MAST4: variants seen among roughly 807,000 people sequenced by gnomAD.
The protein encoded by MAST4 is microtubule-associated serine/threonine-protein kinase 4.
MAST4 carries 89 observed loss-of-function variants against 162.7 expected under a neutral mutation model. The observed-to-expected ratio is 0.55, with a 90% CI of 0.46 to 0.65. The LOEUF (loss-of-function observed/expected upper bound fraction) is 0.65. MAST4 is among the 30% of genes least tolerant of loss of function. The probability of loss-of-function intolerance (pLI) is 0.00; values close to 1 mark genes in which losing one functional copy is unlikely to be tolerated. For missense variants in MAST4, 3,153 were observed against 3,374.0 expected (o/e 0.93, Z 1.62); for synonymous variants, 1,479 against 1,361.1 (o/e 1.09, Z -1.91).
At chr5:66,735,690 G>A (rs1752114477) in intron 1 of MAST4, among the ~76,000 whole-genome samples, 1 of 152,186 alleles carries the variant, frequency 6.6e-6, no homozygotes, top group Non-Finnish European at 1.5e-5. Flanking sequence ...TTGGAGAGAA[G>A]TATAGGATTT....
chr5:66,936,374 T>G (rs1742749566), intron 4 of MAST4, among the ~76,000 whole-genome samples: 1 of 152,232 alleles, frequency 6.6e-6, no homozygotes. Flanking sequence ...TGTACGTCCC[T>G]GTGAAGAGAC....
At chr5:66,659,199 G>T (rs1746745454) in intron 1 of MAST4, among the ~76,000 whole-genome samples, 1 of 152,140 alleles carries the variant, frequency 6.6e-6, no homozygotes. Context: ...ACAGCCTGAA[G>T]CCTGGAGACT....
At chr5:66,603,546 A>G (rs896181005) in intron 1 of MAST4, among the ~76,000 whole-genome samples, 3 of 152,224 alleles carry the variant, frequency 2.0e-5, no homozygotes, top group Admixed American at 2.0e-4. Context: ...AGCATGAAAG[A>G]TGGTGCAAGG....
intron 4 of MAST4, among the ~76,000 whole-genome samples, chr5:67,017,305 C>T (rs188530197): frequency 2.0e-5 from 3 of 152,250 alleles, no homozygotes; most frequent in African/African-American, 7.2e-5. Context: ...CTGCCCCTAC[C>T]TAAGGACGGA....
intron 4 of MAST4, among the ~76,000 whole-genome samples, chr5:66,988,868 T>C (rs904554640): frequency 5.3e-5 from 8 of 152,222 alleles, no homozygotes; most frequent in African/African-American, 1.9e-4. Flanking sequence ...AACACATACA[T>C]GGTTCACATT....
chr5:66,916,931 A>G, intron 4 of MAST4: 1 of 715,848 alleles, frequency 1.4e-6, no homozygotes, highest in Non-Finnish European at 2.6e-6. Context: ...GTGCTGCAAT[A>G]AACAATTTTT....
intron 4 of MAST4, among the ~76,000 whole-genome samples, chr5:66,935,493 T>C (rs1414980164): frequency 6.6e-6 from 1 of 152,024 alleles, no homozygotes; most frequent in African/African-American, 2.4e-5. Context: ...TCAGCTGTCG[T>C]TCTAGTGTGT....
At chr5:67,076,090 T>C (rs1761612633) in intron 5 of MAST4, among the ~76,000 whole-genome samples, 1 of 152,070 alleles carries the variant, frequency 6.6e-6, no homozygotes, top group Non-Finnish European at 1.5e-5. Flanking sequence ...ATGACCTCTT[T>C]CTGGGAAAGA....
rs569293001 is a variant in MAST4, at chr5:67,076,099, GA to G, written c.764-14053del. Among the ~76,000 whole-genome samples the G allele has an allele frequency of 3.0e-3, 449 of 149,182 alleles. 1 individual carries two copies. Among genetic ancestry groups the G allele is most frequent in the African/African-American group, 3.3e-3 (136 of 40,774 alleles). On this transcript the variant is annotated intron_variant, in intron 5 of 28. Coordinates refer to ENST00000403625, the MANE Select transcript of MAST4 (RefSeq NM_001164664.2). ...AATCCAATGACCTCTTTCTGGGAAA[GA>G]AAAAAAAAATTGAGCATGAGCACCC... is the stretch of plus-strand genomic sequence containing the variant.
Position 67,152,778 on chromosome 5 carries a change from G to C in MAST4, c.3437G>C (p.Ser1146Thr), listed in dbSNP as rs1474761503. ...CCACATCAGCCGATTGTGATCCACA[G>C]TTCGGGGAAGAACTACGGCTTTACC... is the stretch of plus-strand genomic sequence containing the variant. ...ASPHQPIVIH[S>T]SGKNYGFTIR... The change falls in exon 25 of 29, where the codon AGT becomes ACT. Residue 1146 changes from serine to threonine, a missense_variant. By Grantham distance (58) the Ser-to-Thr change is moderately conservative. Coordinates refer to ENST00000403625, the MANE Select transcript of MAST4 (RefSeq NM_001164664.2). 6.2e-7 allele frequency: 1 copy of C among 1,613,970 alleles called. No individual in the cohort carries two copies. Among genetic ancestry groups the C allele is most frequent in the African/African-American group, 1.3e-5 (1 of 74,952 alleles).
In MAST4 at chr5:67,167,001, AG is replaced by A. The variant is rs770012934; in HGVS notation, c.7824del (p.Arg2608SerfsTer77). Reference sequence around the variant, plus strand: ...TGAGAAGGACTTTGTGGTACGGCAGAGGCGGGGGAAAGAGAGTTTGCGTAGC... The same window carrying A: ...TGAGAAGGACTTTGTGGTACGGCAGAGCGGGGGAAAGAGAGTTTGCGTAGC... ...SNEKDFVVRQ[R>X]RGKESLRSSP... On this transcript the variant is annotated frameshift_variant, in exon 29 of 29. Transcript: ENST00000403625. LOFTEE classifies it high-confidence loss of function. 1 of 1,608,708 alleles carries A rather than the reference AG, an allele frequency of 6.2e-7. No homozygotes were observed. Among genetic ancestry groups the A allele is most frequent in the Non-Finnish European group, 8.5e-7 (1 of 1,177,958 alleles).
chr5:67,109,024 G>A (rs976237745), intron 10 of MAST4, among the ~76,000 whole-genome samples: 6 of 151,994 alleles, frequency 3.9e-5, no homozygotes, highest in Non-Finnish European at 7.4e-5. Flanking sequence ...CTTGTTTTAT[G>A]CCTATCTTGA....
At chr5:67,160,707 T>C in intron 27 of MAST4, 115 bp downstream of exon 27, 1 of 1,155,272 alleles carries the variant, frequency 8.7e-7, no homozygotes, top group Non-Finnish European at 1.2e-6. Flanking sequence ...AGAAATTTTA[T>C]GTTATGGTTC....
intron 21 of MAST4, among the ~76,000 whole-genome samples, chr5:67,144,002 T>C (rs1271047254): frequency 6.6e-6 from 1 of 152,058 alleles, no homozygotes; most frequent in East Asian, 1.9e-4. Context: ...CATTTTACCT[T>C]CTCTCTTATG....
intron 4 of MAST4, among the ~76,000 whole-genome samples, chr5:67,010,673 C>T (rs759843195): frequency 6.6e-5 from 10 of 152,212 alleles, no homozygotes; most frequent in Non-Finnish European, 8.8e-5. Context: ...GAGACTTAGT[C>T]GGAAAAAGTC....
chr5:66,705,244 T>C (rs1199491917), intron 1 of MAST4, among the ~76,000 whole-genome samples: 1 of 152,236 alleles, frequency 6.6e-6, no homozygotes, highest in Non-Finnish European at 1.5e-5. Context: ...TGTGGTGCTG[T>C]CTGCATTTCC....
chr5:66,613,857 T>A (rs1158269294), intron 1 of MAST4, among the ~76,000 whole-genome samples: 1 of 152,254 alleles, frequency 6.6e-6, no homozygotes, highest in South Asian at 2.1e-4. Flanking sequence ...GGATTTTATA[T>A]GTCTCTGTCA....
intron 3 of MAST4, among the ~76,000 whole-genome samples, chr5:66,871,278 A>G (rs1561400175): frequency 1.3e-5 from 2 of 152,020 alleles, no homozygotes; most frequent in Non-Finnish European, 2.9e-5. Context: ...GAAGTGTATC[A>G]GTTTTAAGTA....
At chr5:67,061,337 A>G (rs1388886464) in intron 5 of MAST4, among the ~76,000 whole-genome samples, 2 of 152,174 alleles carry the variant, frequency 1.3e-5, no homozygotes, top group African/African-American at 2.4e-5. Flanking sequence ...GACATTTTCC[A>G]TACTCATTAA....
Sources: gnomAD v4.1 joint callset for allele counts (sites outside exome capture counted in the v4.1 genomes callset) on GRCh38, gnomAD v4.1.1 for gene constraint, MANE v1.5 for transcripts, NCBI Gene and HGNC (gene_info 2026-07-23, HGNC 2026-07-21) for gene names.